The following HNF1B variants were observed in gnomAD, a reference collection of about 807,000 sequenced individuals.
HNF1B encodes the protein HNF1 homeobox B.
HNF1B carries 8 observed loss-of-function variants against 61.7 expected under a neutral mutation model. The observed-to-expected ratio is 0.13, with a 90% CI of 0.08 to 0.23. The LOEUF is 0.23. Ranked by LOEUF, HNF1B falls within the 10% of genes least tolerant of loss-of-function variation. The pLI is 1.00. For missense variants in HNF1B, 562 were observed against 714.5 expected, an observed-to-expected ratio of 0.79 and a Z score of 2.43; for synonymous variants, 314 against 287.7, an observed-to-expected ratio of 1.09 and a Z score of -0.93.
chr17:37,743,628 C>T lies in HNF1B; in HGVS notation c.344+913G>A, dbSNP rs564320259. On this transcript the variant is annotated intron_variant, in intron 1 of 8. Transcript: ENST00000617811. The stretch of plus-strand genomic sequence containing the variant: ...GGCTCTGTCCTAAAGCGGAGTGGCC[C>T]GGGAGCGACGTGCTGTCTCAGGGAA... Among the ~76,000 whole-genome samples, 4 of 152,316 alleles carry T rather than the reference C, an allele frequency of 2.6e-5. No individual in the cohort carries two copies. The South Asian group carries it at 8.3e-4, about 32-fold the overall frequency.
At chr17:37,718,599 CCTCCTAAG>C (rs1401935917) in intron 4 of HNF1B, among the ~76,000 whole-genome samples, 1 of 152,236 alleles carries the variant, frequency 6.6e-6, no homozygotes. Context: ...TCTCCCTCTT[CCTCCTAAG>C]CCCCAAATGG....
chr17:37,740,632 T>G (rs536511434), intron 1 of HNF1B, among the ~76,000 whole-genome samples: 6 of 149,882 alleles, frequency 4.0e-5, no homozygotes, highest in Non-Finnish European at 7.4e-5. Flanking sequence ...GTGAGGCAAG[T>G]AGTTAAAAAA....
At chr17:37,700,712 A>C (rs1027756548) in intron 7 of HNF1B, among the ~76,000 whole-genome samples, 4 of 152,170 alleles carry the variant, frequency 2.6e-5, no homozygotes, top group South Asian at 4.1e-4. Context: ...TGTGTTCCAC[A>C]TGCTGTCTGG....
At chr17:37,731,029 A>T (rs1459480514) in intron 4 of HNF1B, 7 of 174,478 alleles carry the variant, frequency 4.0e-5, no homozygotes, top group Non-Finnish European at 7.5e-5. Context: ...TTCCCAACTC[A>T]TTGCTGCAAA....
chr17:37,745,058 C>T lies in HNF1B; in HGVS notation c.-174G>A, dbSNP rs1176791800. Reference sequence around the variant, plus strand: ...TCCTCCGAAAGGAGTCAGAAAACTTCTAACTTGCCATGATCGCCACCATTA... The same window carrying T: ...TCCTCCGAAAGGAGTCAGAAAACTTTTAACTTGCCATGATCGCCACCATTA... On this transcript the variant is annotated 5_prime_UTR_variant, in exon 1 of 9. Coordinates refer to ENST00000617811, the MANE Select transcript of HNF1B (RefSeq NM_000458.4). The T allele has an allele frequency of 6.5e-6, 4 of 619,550 alleles. No individual in the cohort carries two copies. 38.4% of individuals were successfully genotyped at this position (619,550 alleles called of 1,614,324 possible).
intron 8 of HNF1B, among the ~76,000 whole-genome samples, chr17:37,692,132 T>C (rs2032225433): frequency 2.0e-5 from 3 of 152,204 alleles, no homozygotes; most frequent in Non-Finnish European, 2.9e-5. Context: ...GGGAGACGTA[T>C]GTGCTCTGGA....
intron 4 of HNF1B, among the ~76,000 whole-genome samples, chr17:37,723,077 C>T (rs545985438): frequency 6.6e-6 from 1 of 152,086 alleles, no homozygotes; most frequent in East Asian, 1.9e-4. Flanking sequence ...CGGTGGCTCA[C>T]GGCTGTAATC....
chr17:37,744,391 CG>C, intron 1 of HNF1B, 149 bp downstream of exon 1: 1 of 755,742 alleles, frequency 1.3e-6, no homozygotes, highest in Non-Finnish European at 2.2e-6. Flanking sequence ...GGGAAGGGTC[CG>C]GGTGTTGGGA....
rs368068840 is a variant in HNF1B at position 37,705,054 on chromosome 17, T to C, written c.1207-5A>G. 1.9e-6 allele frequency: 3 copies of C among 1,613,066 alleles called. No homozygotes were observed. Among genetic ancestry groups the C allele is most frequent in the Admixed American group, 1.7e-5 (1 of 59,782 alleles). ...ACCTCCTCCTGAGACTGAGATCTGA[T>C]GGAGAGAAAAAAACAAGAGAAACAT... On this transcript the variant is annotated splice_polypyrimidine_tract_variant and splice_region_variant and intron_variant, in intron 5 of 8. Transcript: ENST00000617811.
At chr17:37,733,975 G>A (rs192917047) in intron 2 of HNF1B, among the ~76,000 whole-genome samples, 154 bp from the exon 3 acceptor site, 17 of 152,326 alleles carry the variant, frequency 1.1e-4, no homozygotes, top group Non-Finnish European at 2.2e-4. Flanking sequence ...CTGGAGATGG[G>A]GAGCCCTCAG....
intron 1 of HNF1B, among the ~76,000 whole-genome samples, chr17:37,740,405 T>C (rs935886598): frequency 6.6e-6 from 1 of 152,250 alleles, no homozygotes; most frequent in Non-Finnish European, 1.5e-5. Flanking sequence ...CATCAGTTTC[T>C]GAATTTGCCC....
intron 5 of HNF1B, among the ~76,000 whole-genome samples, chr17:37,708,674 G>A (rs1021998875): frequency 6.6e-6 from 1 of 152,218 alleles, no homozygotes; most frequent in African/African-American, 2.4e-5. Context: ...AAGTCAGAAA[G>A]ACTTGTCTGT....
chr17:37,721,221 C>G (rs1290394834), intron 4 of HNF1B, among the ~76,000 whole-genome samples: 2 of 152,150 alleles, frequency 1.3e-5, no homozygotes, highest in Admixed American at 1.3e-4. Context: ...TTTATTGTGA[C>G]TGGCCCCACC....
At chr17:37,701,688 C>G (rs940722781) in intron 6 of HNF1B, among the ~76,000 whole-genome samples, 1 of 152,126 alleles carries the variant, frequency 6.6e-6, no homozygotes, top group African/African-American at 2.4e-5. Flanking sequence ...TTGGGAGACC[C>G]TTATTTAGTA....
intron 4 of HNF1B, among the ~76,000 whole-genome samples, chr17:37,722,769 C>G (rs1263789207): frequency 6.6e-6 from 1 of 152,160 alleles, no homozygotes. Flanking sequence ...CATAGGGTAA[C>G]AGGAAGGTAC....
intron 4 of HNF1B, among the ~76,000 whole-genome samples, chr17:37,721,597 G>A (rs1000518126): frequency 1.3e-5 from 2 of 152,042 alleles, no homozygotes; most frequent in African/African-American, 2.4e-5. Context: ...CCCTCACCCC[G>A]GCTGCTTCTC....
chr17:37,716,495 G>A (rs1246434535), intron 4 of HNF1B, among the ~76,000 whole-genome samples: 4 of 152,184 alleles, frequency 2.6e-5, no homozygotes, highest in Admixed American at 6.5e-5. Flanking sequence ...CACTGCGCCC[G>A]GCCTCAAGTG....
At chr17:37,731,364 C>T in intron 4 of HNF1B, 1 of 653,848 alleles carries the variant, frequency 1.5e-6, no homozygotes, top group Non-Finnish European at 2.8e-6. Context: ...GGGTAAAGGG[C>T]TCCCTGGAAG....
chr17:37,688,818 G>A (rs3110640), intron 8 of HNF1B, among the ~76,000 whole-genome samples: 89,878 of 151,934 alleles, frequency 0.59, 26,722 homozygotes, highest in African/African-American at 0.67. Context: ...GGGGTTCTTC[G>A]GCCCAAGCCC....
Sources: allele counts gnomAD v4.1 joint callset (sites outside exome capture counted in the v4.1 genomes callset), GRCh38; gene constraint gnomAD v4.1.1; transcripts MANE v1.5; gene names NCBI Gene and HGNC (gene_info 2026-07-23, HGNC 2026-07-21).